The following DMBT1 variants were observed in gnomAD, a reference collection of about 807,000 sequenced individuals.
The protein encoded by DMBT1 is scavenger receptor cysteine-rich domain-containing protein DMBT1.
A neutral mutation model predicts 252.9 loss-of-function variants in DMBT1; 198 were observed. The ratio of observed to expected loss-of-function variants is 0.78; its 90% confidence interval spans 0.70 to 0.88. The LOEUF is 0.88. Ranked by LOEUF, DMBT1 falls within the 40% of genes least tolerant of loss-of-function variation. DMBT1 has a pLI of 0.00. For missense variants in DMBT1, 2,432 were observed against 2,404.7 expected, an observed-to-expected ratio of 1.01 and a Z score of -0.24; for synonymous variants, 990 against 942.7, an observed-to-expected ratio of 1.05 and a Z score of -0.92.
At chr10:122,567,346 G>T (rs756811089) in intron 2 of DMBT1, among the ~76,000 whole-genome samples, 10 of 152,202 alleles carry the variant, frequency 6.6e-5, no homozygotes, top group Non-Finnish European at 1.0e-4. Context: ...TGTTTTGCTC[G>T]TAAGAGGGGC....
chr10:122,617,920 G>C, intron 40 of DMBT1, 97 bp from the exon 41 acceptor site: 1 of 1,563,202 alleles, frequency 6.4e-7, no homozygotes, highest in Non-Finnish European at 8.7e-7. Context: ...TTGCCCAGGT[G>C]ACTCTGGCCA....
At position 122,643,731 on chromosome 10, in the gene DMBT1, A is replaced by C; in HGVS notation, c.*333A>C. 3.2e-6 allele frequency: 1 copy of C among 311,940 alleles called. No individual in the cohort carries two copies. Among genetic ancestry groups the C allele is most frequent in the East Asian group, 6.3e-5 (1 of 15,998 alleles). The allele number at this position is 311,940 out of a possible 1,614,324, so 19.3% of individuals were successfully genotyped here. A position where few individuals can be genotyped will look rare whatever the true frequency, so the allele number is the denominator to read the frequency against. On this transcript the variant is annotated 3_prime_UTR_variant, in exon 56 of 56. Transcript: ENST00000338354. ...TACTTACATAAAGGAATTTTGGTGA[A>C]ACTGCCTCAGCCTGTTCCTGGTGCA...
At chr10:122,620,147 C>G in intron 42 of DMBT1, 106 bp from the exon 43 acceptor site, 3 of 1,234,564 alleles carry the variant, frequency 2.4e-6, no homozygotes, top group Non-Finnish European at 3.5e-6. Flanking sequence ...TGGCAGGAAC[C>G]AGAAATTGAA....
At chr10:122,561,717 A>C (rs77064433) in intron 1 of DMBT1, among the ~76,000 whole-genome samples, 1 of 147,430 alleles carries the variant, frequency 6.8e-6, no homozygotes, top group African/African-American at 2.5e-5. Context: ...GGCAGATATC[A>C]CCTTTTCTTC....
chr10:122,598,869 T>A lies in DMBT1; in HGVS notation c.3052T>A (p.Cys1018Ser), dbSNP rs186928964. ...ATACCAAGGCTCCTGGGGCACCGTGTGCGATGACAGCTGGGACACCAATGA... is the reference window on the plus strand; with the variant it reads ...ATACCAAGGCTCCTGGGGCACCGTGAGCGATGACAGCTGGGACACCAATGA... ...VLYQGSWGTV[C>S]DDSWDTNDAN... is the part of the protein sequence containing the mutation. Residue 1018 changes from cysteine (C) to serine (S), a missense_variant, in exon 26 of 56, where the codon TGC becomes AGC. Cys to Ser is a moderately radical substitution (Grantham distance 112). This residue lies in a region of DMBT1 where 1,264 missense variants were observed against 1,082.2 expected (regional missense o/e 1.17). Coordinates refer to ENST00000338354, the MANE Select transcript of DMBT1 (RefSeq NM_001377530.1). The A allele has an allele frequency of 1.8e-5, 29 of 1,613,808 alleles. 1 individual carries two copies. In the Admixed American group the frequency reaches 2.8e-4, roughly 16 times the overall value.
rs938029461 is a variant in DMBT1, at chr10:122,643,367, C to T, written c.7598C>T (p.Thr2533Ile). The change falls in exon 56 of 56, where the codon ACC becomes ATC. Residue 2533 changes from threonine to isoleucine, a missense_variant. Thr to Ile is a moderately conservative substitution (Grantham distance 89). This residue lies in a region of DMBT1 where 1,162 missense variants were observed against 1,169.0 expected (regional missense o/e 0.99). Coordinates refer to ENST00000338354, the MANE Select transcript of DMBT1 (RefSeq NM_001377530.1). ...GTCCTGGGTCCCATCCAGCTGCAGA[C>T]CCCCCCACGCCGAGAAGAGGAGCCT... ...DVVLGPIQLQ[T>I]PPRREEEPR 3 of 1,613,520 alleles carry T rather than the reference C, an allele frequency of 1.9e-6. 1 individual carries two copies. The highest frequency in any genetic ancestry group is 2.2e-5 in the South Asian group (2 of 91,012).
chr10:122,637,339 T>A, intron 54 of DMBT1, 27 bp downstream of exon 54: 1 of 1,569,162 alleles, frequency 6.4e-7, no homozygotes, highest in Non-Finnish European at 8.7e-7. Flanking sequence ...CCATTCCATT[T>A]CCCAGTGCAC....
chr10:122,579,739 A>G lies in DMBT1; in HGVS notation c.841A>G (p.Met281Val). 3 of 1,613,818 alleles carry G rather than the reference A, an allele frequency of 1.9e-6. No individual in the cohort carries two copies. The highest frequency in any genetic ancestry group is 2.5e-6 in the Non-Finnish European group (3 of 1,179,780). Residue 281 changes from methionine to valine, a missense_variant, in exon 10 of 56, where the codon ATG becomes GTG. Met to Val is a conservative substitution (Grantham distance 21). Transcript: ENST00000338354. ...CAGGCAGCTGGGCTGTGGCTGGGCC[A>G]TGTCAGCCCCAGGAAATGCCCAGTT... is the stretch of plus-strand genomic sequence containing the variant. ...VCRQLGCGWA[M>V]SAPGNAQFGQ...
chr10:122,577,739 G>A, intron 7 of DMBT1, 72 bp from the exon 8 acceptor site: 2 of 1,581,786 alleles, frequency 1.3e-6, no homozygotes, highest in Non-Finnish European at 1.7e-6. Context: ...GATACCCCAA[G>A]TCACTTCAGC....
At chr10:122,628,100 A>G (rs930069429) in intron 46 of DMBT1, among the ~76,000 whole-genome samples, 10 of 152,232 alleles carry the variant, frequency 6.6e-5, no homozygotes, top group Non-Finnish European at 1.0e-4. Context: ...CACTTTGAGA[A>G]GCAGTTTGGT....
chr10:122,639,998 G>T, intron 54 of DMBT1, 42 bp from the exon 55 acceptor site: 1 of 1,588,288 alleles, frequency 6.3e-7, no homozygotes, highest in Non-Finnish European at 8.6e-7. Flanking sequence ...CCCTTAGCAG[G>T]TGACATGTGC....
chr10:122,621,653 C>A (rs1012193935), intron 44 of DMBT1, among the ~76,000 whole-genome samples: 1 of 152,096 alleles, frequency 6.6e-6, no homozygotes, highest in Admixed American at 6.5e-5. Flanking sequence ...TTTCTGGCTC[C>A]CCAGGGCTCC....
At chr10:122,624,140 C>T (rs1339364573) in intron 44 of DMBT1, among the ~76,000 whole-genome samples, 1 of 152,156 alleles carries the variant, frequency 6.6e-6, no homozygotes, top group Non-Finnish European at 1.5e-5. Flanking sequence ...TGCACCTTGC[C>T]AGGCAGCTGG....
At chr10:122,570,289 C>A (rs889062718) in intron 3 of DMBT1, 80 bp downstream of exon 3, 8 of 1,145,366 alleles carry the variant, frequency 7.0e-6, no homozygotes, top group Admixed American at 5.2e-5. Flanking sequence ...AGAAGAGATG[C>A]AGAAGCCATA....
intron 1 of DMBT1, among the ~76,000 whole-genome samples, chr10:122,564,330 A>G (rs11528746): frequency 0.67 from 101,999 of 152,168 alleles, 34,567 homozygotes; most frequent in East Asian, 0.77. Flanking sequence ...AGAGCCGGGC[A>G]TGGTGACACA....
At chr10:122,628,456 T>C (rs752365088) in intron 46 of DMBT1, among the ~76,000 whole-genome samples, 2 of 152,076 alleles carry the variant, frequency 1.3e-5, no homozygotes, top group African/African-American at 2.4e-5. Flanking sequence ...GACAACGTGG[T>C]GAAACCCTGT....
At chr10:122,628,159 T>C (rs2098131951) in intron 46 of DMBT1, among the ~76,000 whole-genome samples, 1 of 152,202 alleles carries the variant, frequency 6.6e-6, no homozygotes, top group African/African-American at 2.4e-5. Flanking sequence ...CCAGCAGTTG[T>C]ATTCCTAGGT....
intron 14 of DMBT1, among the ~76,000 whole-genome samples, chr10:122,584,635 T>C (rs1240149183): frequency 6.7e-6 from 1 of 149,066 alleles, no homozygotes; most frequent in Non-Finnish European, 1.5e-5. Flanking sequence ...TTTAAATAGC[T>C]TTGACCCTTT....
chr10:122,640,584 T>G, intron 55 of DMBT1, 135 bp downstream of exon 55: 2 of 958,552 alleles, frequency 2.1e-6, no homozygotes, highest in Non-Finnish European at 3.0e-6. Context: ...GATCCCTTTC[T>G]ACATGTAGTG....
Sources: gnomAD v4.1 joint callset for allele counts (sites outside exome capture counted in the v4.1 genomes callset) on GRCh38, gnomAD v4.1.1 for gene constraint, gnomAD v4.1.1 regional missense constraint, MANE v1.5 for transcripts, NCBI Gene and HGNC (gene_info 2026-07-23, HGNC 2026-07-21) for gene names.